The following KCNQ5 variants were observed in gnomAD, a reference collection of about 807,000 sequenced individuals.
KCNQ5 encodes potassium voltage-gated channel subfamily Q member 5, also known as potassium voltage-gated channel subfamily KQT member 5.
In KCNQ5, 30 loss-of-function variants were observed where a neutral mutation model predicts 98.2. That is an observed-to-expected ratio of 0.31 (90% CI 0.23 to 0.41). The LOEUF is 0.41. KCNQ5 is among the 10% of genes least tolerant of loss of function. The probability of loss-of-function intolerance (pLI) is 1.00; values close to 1 mark genes in which losing one functional copy is unlikely to be tolerated. For synonymous variants in KCNQ5, 458 were observed against 449.4 expected (o/e 1.02, Z -0.24); for missense variants, 835 against 1,182.5 (o/e 0.71, Z 4.31).
chr6:72,788,847 T>A (rs187996471), intron 1 of KCNQ5, among the ~76,000 whole-genome samples: 52 of 152,342 alleles, frequency 3.4e-4, no homozygotes, highest in African/African-American at 1.3e-3. Context: ...AACCCATGTC[T>A]TATATTTTAT....
At chr6:72,694,998 A>G (rs1286691989) in intron 1 of KCNQ5, among the ~76,000 whole-genome samples, 4 of 152,150 alleles carry the variant, frequency 2.6e-5, no homozygotes, top group African/African-American at 7.2e-5. Flanking sequence ...ACTTAGGATA[A>G]TGGCCTCCAG....
At chr6:72,821,876 T>C (rs2150114476) in intron 1 of KCNQ5, among the ~76,000 whole-genome samples, 1 of 152,182 alleles carries the variant, frequency 6.6e-6, no homozygotes. Context: ...CTAGTTTTTC[T>C]CTCCAGGTCC....
intron 1 of KCNQ5, among the ~76,000 whole-genome samples, chr6:72,814,057 G>A (rs1042037982): frequency 2.6e-5 from 4 of 152,158 alleles, no homozygotes; most frequent in African/African-American, 4.8e-5. Flanking sequence ...GGAGGAAAGA[G>A]GGCAAGCAGG....
intron 1 of KCNQ5, among the ~76,000 whole-genome samples, chr6:72,877,319 G>T (rs1031689959): frequency 6.6e-6 from 1 of 152,016 alleles, no homozygotes; most frequent in Non-Finnish European, 1.5e-5. Context: ...GTAGTATTTG[G>T]TTTTCTGTTC....
chr6:72,682,395 C>G (rs1014526228), intron 1 of KCNQ5, among the ~76,000 whole-genome samples: 2 of 152,166 alleles, frequency 1.3e-5, no homozygotes, highest in Non-Finnish European at 2.9e-5. Flanking sequence ...TCTTCCAGCT[C>G]TACTATCCTC....
At chr6:73,112,386 C>T (rs2150428609) in intron 7 of KCNQ5, among the ~76,000 whole-genome samples, 1 of 151,370 alleles carries the variant, frequency 6.6e-6, no homozygotes, top group South Asian at 2.1e-4. Flanking sequence ...CGCTTTGTCG[C>T]CCAGGCTGGA....
rs70994155 is a variant in KCNQ5, at chr6:73,035,985, T to TTGTGTGTGTGTGTG, written c.490-5919_490-5906dup. ...TTTCTCCAGTTTTACTTGAATACAT[T>TTGTGTGTGTGTGTG]TGTGTGTGTGTGTGTGTGTGTGTGT... On this transcript the variant is annotated intron_variant, in intron 2 of 13. Coordinates refer to ENST00000370398, the MANE Select transcript of KCNQ5 (RefSeq NM_019842.4). Among the ~76,000 whole-genome samples, 122 of 140,532 alleles carry TTGTGTGTGTGTGTG rather than the reference T, an allele frequency of 8.7e-4. 1 individual carries two copies. Among genetic ancestry groups the TTGTGTGTGTGTGTG allele is most frequent in the East Asian group, 7.9e-3 (37 of 4,708 alleles). 92.2% of individuals were successfully genotyped at this position (140,532 alleles called of 152,430 possible).
intron 12 of KCNQ5, 109 bp from the exon 13 acceptor site, chr6:73,192,456 A>G: frequency 3.2e-6 from 3 of 937,380 alleles, no homozygotes; most frequent in Non-Finnish European, 4.5e-6. Context: ...TTCATCTTAC[A>G]TAAATTGAAG....
At chr6:73,074,770 AC>A (rs1582305343) in intron 3 of KCNQ5, among the ~76,000 whole-genome samples, 2 of 135,904 alleles carry the variant, frequency 1.5e-5, no homozygotes, top group South Asian at 2.4e-4. Flanking sequence ...AAAAAAAAAA[AC>A]CTTAGAACTG....
chr6:73,029,357 T>C (rs1372705452), intron 2 of KCNQ5, among the ~76,000 whole-genome samples: 1 of 152,156 alleles, frequency 6.6e-6, no homozygotes, highest in Non-Finnish European at 1.5e-5. Context: ...TGGATTCAGC[T>C]GTCAGGATAA....
chr6:72,665,424 A>C (rs75842556), intron 1 of KCNQ5, among the ~76,000 whole-genome samples: 2,005 of 152,174 alleles, frequency 0.013, 33 homozygotes, highest in African/African-American at 0.042. Flanking sequence ...TTTTAAAAGT[A>C]AGTACCAGAG....
At chr6:72,850,924 A>C (rs1168944876) in intron 1 of KCNQ5, among the ~76,000 whole-genome samples, 2 of 151,862 alleles carry the variant, frequency 1.3e-5, no homozygotes, top group Non-Finnish European at 2.9e-5. Flanking sequence ...ATTTATAAAA[A>C]GAGTGAGAGA....
intron 1 of KCNQ5, among the ~76,000 whole-genome samples, chr6:72,676,898 AG>A (rs1767440175): frequency 6.6e-6 from 1 of 151,778 alleles, no homozygotes; most frequent in Admixed American, 6.6e-5. Flanking sequence ...GGATAACAGG[AG>A]TCTTTAATTC....
In KCNQ5 at chr6:72,622,171, C is replaced by A. The variant is rs2098915478; in HGVS notation, c.-19C>A. 8.2e-7 allele frequency: 1 copy of A among 1,218,888 alleles called. No individual in the cohort carries two copies. The allele number at this position is 1,218,888 out of a possible 1,614,324, so 75.5% of individuals were successfully genotyped here. ...GCCGCAGGCGCTGGCGGCCCCCTCG[C>A]GGTGCCCGTGGTGATGCCATGCCCC... On this transcript the variant is annotated 5_prime_UTR_variant, in exon 1 of 14. Coordinates refer to ENST00000370398, the MANE Select transcript of KCNQ5 (RefSeq NM_019842.4). This position sits in a 1 kb window ranked among gnomAD's most constrained non-coding sequence, Gnocchi z 6.0.
intron 11 of KCNQ5, among the ~76,000 whole-genome samples, chr6:73,181,235 A>G (rs3799283): frequency 0.048 from 7,314 of 152,274 alleles, 200 homozygotes; most frequent in East Asian, 0.11. Context: ...GCTGGGGCAT[A>G]TCAGTTTTGT....
chr6:72,660,611 C>T (rs903933993), intron 1 of KCNQ5, among the ~76,000 whole-genome samples: 3 of 152,074 alleles, frequency 2.0e-5, no homozygotes, highest in Non-Finnish European at 2.9e-5. Context: ...TTCAGTGTCC[C>T]GGAGCAACTC....
intron 9 of KCNQ5, among the ~76,000 whole-genome samples, chr6:73,128,269 C>G (rs184243799): frequency 6.6e-6 from 1 of 152,290 alleles, no homozygotes; most frequent in African/African-American, 2.4e-5. Context: ...TTTAATCACT[C>G]ATTTCTTTTC....
At chr6:73,078,669 C>T (rs1773636875) in intron 5 of KCNQ5, among the ~76,000 whole-genome samples, 1 of 152,150 alleles carries the variant, frequency 6.6e-6, no homozygotes, top group Admixed American at 6.5e-5. Flanking sequence ...TCAGTTCAAC[C>T]TCCACTAGGC....
intron 1 of KCNQ5, among the ~76,000 whole-genome samples, chr6:72,854,218 G>C (rs1358272945): frequency 6.6e-6 from 1 of 152,006 alleles, no homozygotes; most frequent in East Asian, 1.9e-4. Flanking sequence ...TTGCTTAGTA[G>C]AAAAGTAGTA....
Sources: allele counts gnomAD v4.1 joint callset (sites outside exome capture counted in the v4.1 genomes callset), GRCh38; gene constraint gnomAD v4.1.1; non-coding constraint Gnocchi (gnomAD v3.1); transcripts MANE v1.5; gene names NCBI Gene and HGNC (gene_info 2026-07-23, HGNC 2026-07-21).